SCD5: variants seen among roughly 807,000 people sequenced by gnomAD.
SCD5 encodes the protein acyl-CoA-desaturase 4.
In SCD5, 20 loss-of-function variants were observed where a neutral mutation model predicts 30.4. That is an observed-to-expected ratio of 0.66 (90% CI 0.46 to 0.96). The LOEUF is 0.96. Among genes scored for constraint, SCD5 ranks in the 40% least tolerant of loss-of-function variants. SCD5 has a pLI of 0.00. For missense variants in SCD5, 381 were observed against 443.3 expected, an observed-to-expected ratio of 0.86 and a Z score of 1.26; for synonymous variants, 173 against 176.4, an observed-to-expected ratio of 0.98 and a Z score of 0.16.
intron 1 of SCD5, among the ~76,000 whole-genome samples, chr4:82,709,556 A>G (rs1478928829): frequency 6.6e-6 from 1 of 152,230 alleles, no homozygotes. Flanking sequence ...AACACTTAAA[A>G]GATAAGAAGT....
chr4:82,671,542 G>C (rs1342808683), intron 3 of SCD5, among the ~76,000 whole-genome samples: 1 of 152,148 alleles, frequency 6.6e-6, no homozygotes, highest in East Asian at 1.9e-4. Flanking sequence ...TACAATGTTT[G>C]CTCTCAGACC....
At chr4:82,645,856 T>C (rs1248709866) in intron 3 of SCD5, among the ~76,000 whole-genome samples, 6 of 152,250 alleles carry the variant, frequency 3.9e-5, no homozygotes, top group African/African-American at 1.4e-4. Flanking sequence ...TCTTTTTATT[T>C]CCCCAAATCT....
intron 1 of SCD5, among the ~76,000 whole-genome samples, chr4:82,761,149 T>TAACCAGA (rs1721355327): frequency 6.6e-6 from 1 of 152,258 alleles, no homozygotes; most frequent in Non-Finnish European, 1.5e-5. Flanking sequence ...AGGTGTCCTC[T>TAACCAGA]GGTTATCAAA....
intron 1 of SCD5, among the ~76,000 whole-genome samples, chr4:82,708,821 T>C (rs1177026237): frequency 6.6e-6 from 1 of 152,156 alleles, no homozygotes; most frequent in Non-Finnish European, 1.5e-5. Flanking sequence ...TCAAGAGCCA[T>C]CCCTGAGTGC....
chr4:82,772,552 C>G (rs929944903), intron 1 of SCD5, among the ~76,000 whole-genome samples: 4 of 152,208 alleles, frequency 2.6e-5, no homozygotes, highest in African/African-American at 9.7e-5. Context: ...TGGGTCTTCC[C>G]ATCTGAAATG....
Position 82,718,083 on chromosome 4 carries a change from A to T in SCD5, c.233-12670T>A, listed in dbSNP as rs1242294706. ...TGGGTCATTATCACCTTTTTTTTTT[A>T]AAAAAAAAAAAAGCAATCTCTCTAA... On this transcript the variant is annotated intron_variant, in intron 1 of 4. Transcript: ENST00000319540. 6.3e-3 allele frequency among the ~76,000 whole-genome samples: 876 copies of T among 139,108 alleles called. 9 individuals are homozygous for T. The highest frequency in any genetic ancestry group is 0.015 in the South Asian group (67 of 4,348). The allele number at this position is 139,108 out of a possible 152,430, so 91.3% of individuals were successfully genotyped here. A position where few individuals can be genotyped will look rare whatever the true frequency, so the allele number is the denominator to read the frequency against.
At chr4:82,715,066 G>A (rs58584219) in intron 1 of SCD5, among the ~76,000 whole-genome samples, 8,716 of 151,174 alleles carry the variant, frequency 0.058, 952 homozygotes, top group African/African-American at 0.2. Context: ...ATGAAACCCC[G>A]CCTCTACTAA....
chr4:82,764,718 TTTC>T (rs917648747), intron 1 of SCD5, among the ~76,000 whole-genome samples: 4 of 142,480 alleles, frequency 2.8e-5, no homozygotes, highest in African/African-American at 8.6e-5. Context: ...TTTTAAATAT[TTTC>T]TTTTCTTTCT....
intron 3 of SCD5, among the ~76,000 whole-genome samples, chr4:82,658,630 CTTTTTTTTTTTTTTT>C (rs57727794): frequency 1.7e-5 from 2 of 116,912 alleles, no homozygotes; most frequent in African/African-American, 7.0e-5. Context: ...CCACACCTGG[CTTTTTTTTTTTTTTT>C]TTTTTTTTTT....
intron 1 of SCD5, among the ~76,000 whole-genome samples, chr4:82,754,124 C>T (rs1157349425): frequency 6.6e-6 from 1 of 152,114 alleles, no homozygotes; most frequent in Non-Finnish European, 1.5e-5. Context: ...GAGGCCCTGG[C>T]TTCTTATGTG....
At chr4:82,685,449 A>G (rs1344666198) in intron 2 of SCD5, among the ~76,000 whole-genome samples, 2 of 152,340 alleles carry the variant, frequency 1.3e-5, no homozygotes, top group Non-Finnish European at 2.9e-5. Flanking sequence ...ACGGTGGCTC[A>G]TGCCTGTAAT....
intron 1 of SCD5, among the ~76,000 whole-genome samples, chr4:82,765,176 T>C (rs966363209): frequency 2.6e-5 from 4 of 152,250 alleles, no homozygotes; most frequent in African/African-American, 9.6e-5. Context: ...TTGTAGTGCA[T>C]GTCTACTGGA....
At chr4:82,741,995 G>T (rs1720884091) in intron 1 of SCD5, among the ~76,000 whole-genome samples, 1 of 151,638 alleles carries the variant, frequency 6.6e-6, no homozygotes, top group Admixed American at 6.6e-5. Flanking sequence ...CAGGAAAATG[G>T]CGTGAAACCG....
chr4:82,717,904 A>G (rs1226097673), intron 1 of SCD5, among the ~76,000 whole-genome samples: 2 of 151,484 alleles, frequency 1.3e-5, no homozygotes, highest in African/African-American at 4.9e-5. Context: ...CGACAGAGTG[A>G]GATTCCCTCT....
chr4:82,777,015 G>A (rs950186760), intron 1 of SCD5, among the ~76,000 whole-genome samples: 8 of 152,166 alleles, frequency 5.3e-5, no homozygotes, highest in African/African-American at 7.2e-5. Context: ...TACATGCTGC[G>A]CCCATGCTCT....
chr4:82,702,040 C>G (rs180842104), intron 2 of SCD5, among the ~76,000 whole-genome samples: 14 of 149,578 alleles, frequency 9.4e-5, no homozygotes, highest in Middle Eastern at 3.5e-3. Context: ...TAGAGGAACT[C>G]AGGAGATCTT....
chr4:82,631,183 A>T lies in SCD5; in HGVS notation c.*144T>A. On this transcript the variant is annotated 3_prime_UTR_variant, in exon 5 of 5. Transcript: ENST00000319540. ...TTGTATTTCAACATTATTTTGAGAT[A>T]AACAAAAACATTCCCAAACCACATT... 1 of 598,278 alleles carries T rather than the reference A, an allele frequency of 1.7e-6. No individual in the cohort carries two copies. Among genetic ancestry groups the T allele is most frequent in the Non-Finnish European group, 2.7e-6 (1 of 370,868 alleles). The allele number at this position is 598,278 out of a possible 1,614,324, so 37.1% of individuals were successfully genotyped here.
chr4:82,784,550 T>C (rs1560562847), intron 1 of SCD5, among the ~76,000 whole-genome samples: 1 of 152,150 alleles, frequency 6.6e-6, no homozygotes, highest in Non-Finnish European at 1.5e-5. Context: ...GAAAATAAAA[T>C]CACATTTTAG....
intron 1 of SCD5, among the ~76,000 whole-genome samples, chr4:82,786,776 G>A (rs558759681): frequency 7.2e-6 from 1 of 139,566 alleles, no homozygotes; most frequent in Non-Finnish European, 1.5e-5. Context: ...TGGGGGACAA[G>A]AGCGAGACTT....
Sources: allele counts gnomAD v4.1 joint callset (sites outside exome capture counted in the v4.1 genomes callset), GRCh38; gene constraint gnomAD v4.1.1; transcripts MANE v1.5; gene names NCBI Gene and HGNC (gene_info 2026-07-23, HGNC 2026-07-21).